Variants in CTNNBIP1 observed in about 807,000 individuals in gnomAD.
The protein encoded by CTNNBIP1 is catenin beta interacting protein 1.
A neutral mutation model predicts 11.8 loss-of-function variants in CTNNBIP1; 7 were observed. The ratio of observed to expected loss-of-function variants is 0.60; its 90% CI spans 0.34 to 1.12. The LOEUF (loss-of-function observed/expected upper bound fraction) is 1.12. Among genes scored for constraint, CTNNBIP1 ranks in the 50% most tolerant of loss-of-function variants. CTNNBIP1 has a pLI of 0.03. For synonymous variants in CTNNBIP1, 58 were observed against 43.9 expected, an observed-to-expected ratio of 1.32 and a Z score of -1.26; for missense variants, 101 against 113.4, an observed-to-expected ratio of 0.89 and a Z score of 0.50.
rs1445688548 is a variant in CTNNBIP1, at chr1:9,871,124, G to A, written c.187+63C>T. 7.1e-6 allele frequency: 9 copies of A among 1,272,032 alleles called. No homozygotes were observed. The South Asian group carries it at 1.0e-4, about 15-fold the overall frequency. The allele number at this position is 1,272,032 out of a possible 1,614,324, so 78.8% of individuals were successfully genotyped here. ...AGGGCTGGAGCTACGCTTTCTAAGG[G>A]AACCACAAGTCGGTGCCCCTGGGAC... On this transcript the variant is annotated intron_variant, in intron 5 of 5. Coordinates refer to ENST00000377263, the MANE Select transcript of CTNNBIP1 (RefSeq NM_020248.3). The surrounding 1 kb of genome is among the most constrained non-coding windows in gnomAD (Gnocchi z 5.2).
At position 9,850,133 on chromosome 1, in the gene CTNNBIP1, GTAATAAATA is replaced by G. The variant is rs1638347567; in HGVS notation, c.*576_*584del. 1 of 152,654 alleles carries G rather than the reference GTAATAAATA, an allele frequency of 6.6e-6. No homozygotes were observed. The highest frequency in any genetic ancestry group is 2.4e-5 in the African/African-American group (1 of 41,442). 9.5% of individuals were successfully genotyped at this position (152,654 alleles called of 1,614,324 possible). ...GTGAAGGCAGCAGCAAGTTCTTTGT[GTAATAAATA>G]TTGCAAAGCGCACTTGGTTTCTTTC... On this transcript the variant is annotated 3_prime_UTR_variant, in exon 6 of 6. Coordinates refer to ENST00000377263, the MANE Select transcript of CTNNBIP1 (RefSeq NM_020248.3).
rs1438630090 is a variant in CTNNBIP1 at position 9,872,601 on chromosome 1, C to CCTG, written c.-24-516_-24-514dup. 6.6e-6 allele frequency among the ~76,000 whole-genome samples: 1 copy of CCTG among 152,198 alleles called. No individual in the cohort carries two copies. The highest frequency in any genetic ancestry group is 1.9e-4 in the East Asian group (1 of 5,188). On this transcript the variant is annotated intron_variant, in intron 3 of 5. Transcript: ENST00000377263. The surrounding 1 kb of genome is among the most constrained non-coding windows in gnomAD (Gnocchi z 4.0). Reference sequence around the variant, plus strand: ...TGAGACAGCTCCCTCGGCAAAAGCCCCTGACAAGTTTAAGAGGCCAGGGTT... The same window carrying CCTG: ...TGAGACAGCTCCCTCGGCAAAAGCCCCTGCTGACAAGTTTAAGAGGCCAGGGTT...
At chr1:9,857,207 G>C (rs372466684) in intron 5 of CTNNBIP1, among the ~76,000 whole-genome samples, 11 of 152,106 alleles carry the variant, frequency 7.2e-5, no homozygotes, top group East Asian at 1.9e-4. Context: ...GTGGCTGGGC[G>C]CGGTGGCTCA....
At position 9,869,723 on chromosome 1, in the gene CTNNBIP1, G is replaced by A. The variant is rs12118484; in HGVS notation, c.187+1464C>T. On this transcript the variant is annotated intron_variant, in intron 5 of 5. Transcript: ENST00000377263. ...TCAACTGGAGGCTTTCTTACCATCC[G>A]AGCTCAAATTCAGGTTAACTCAGTG... Among the ~76,000 whole-genome samples, 470 of 152,198 alleles carry A rather than the reference G, an allele frequency of 3.1e-3. 2 individuals are homozygous for A. The highest frequency in any genetic ancestry group is 5.4e-3 in the Non-Finnish European group (364 of 67,998).
At chr1:9,878,708 G>A (rs1312421256) in intron 2 of CTNNBIP1, among the ~76,000 whole-genome samples, 3 of 152,266 alleles carry the variant, frequency 2.0e-5, no homozygotes, top group East Asian at 1.9e-4. Flanking sequence ...CCGAGTGGGC[G>A]GAGACACAGG....
intron 2 of CTNNBIP1, among the ~76,000 whole-genome samples, chr1:9,880,984 T>C (rs2101503722): frequency 6.6e-6 from 1 of 152,110 alleles, no homozygotes; most frequent in African/African-American, 2.4e-5. Flanking sequence ...ATGGCCTGCA[T>C]TCAGGAGGGC....
chr1:9,867,493 C>T lies in CTNNBIP1; in HGVS notation c.187+3694G>A, dbSNP rs958700058. Among the ~76,000 whole-genome samples, 3 of 152,194 alleles carry T rather than the reference C, an allele frequency of 2.0e-5. No homozygotes were observed. The highest frequency in any genetic ancestry group is 6.5e-5 in the Admixed American group (1 of 15,286). On this transcript the variant is annotated intron_variant, in intron 5 of 5. Coordinates refer to ENST00000377263, the MANE Select transcript of CTNNBIP1 (RefSeq NM_020248.3). This position sits in a 1 kb window ranked among gnomAD's most constrained non-coding sequence, Gnocchi z 4.6. ...TCCAGCCCTGGAGGGGAAGCATGTGCAGGGCTAAAGGTGGCGGCCAGACCC... is the reference window on the plus strand; with the variant it reads ...TCCAGCCCTGGAGGGGAAGCATGTGTAGGGCTAAAGGTGGCGGCCAGACCC...
At chr1:9,884,913 C>G (rs1557759346) in intron 1 of CTNNBIP1, among the ~76,000 whole-genome samples, 2 of 151,978 alleles carry the variant, frequency 1.3e-5, no homozygotes, top group African/African-American at 4.8e-5. Context: ...CAGGCCAGCA[C>G]TGGGGTGGGG....
intron 1 of CTNNBIP1, among the ~76,000 whole-genome samples, chr1:9,899,757 C>CAAAA (rs1296143611): frequency 7.1e-6 from 1 of 141,652 alleles, no homozygotes; most frequent in Non-Finnish European, 1.5e-5. Context: ...GGCTCCGTCT[C>CAAAA]AAAAAAAAAG....
At chr1:9,853,045 C>T (rs1166168041) in intron 5 of CTNNBIP1, among the ~76,000 whole-genome samples, 3 of 152,202 alleles carry the variant, frequency 2.0e-5, no homozygotes, top group African/African-American at 7.2e-5. Context: ...TAACAAGACA[C>T]TTGAAGCAAA....
intron 1 of CTNNBIP1, among the ~76,000 whole-genome samples, chr1:9,909,070 T>C (rs1040729639): frequency 2.0e-5 from 3 of 152,218 alleles, no homozygotes; most frequent in Non-Finnish European, 4.4e-5. Context: ...CAGTTATCAC[T>C]TGGGGACACA....
Position 9,848,951 on chromosome 1 carries a change from C to G in CTNNBIP1, c.*1767G>C, listed in dbSNP as rs1051971194. The G allele has an allele frequency of 1.3e-5, 2 of 152,220 alleles. No homozygotes were observed. The highest frequency in any genetic ancestry group is 4.8e-5 in the African/African-American group (2 of 41,456). The allele number at this position is 152,220 out of a possible 1,614,324, so 9.4% of individuals were successfully genotyped here. ...CTGTGCACTTCATGACACTCAGGAG[C>G]CCCTACGGCCCGAGCCCCAAGCCCC... is the stretch of plus-strand genomic sequence containing the variant. On this transcript the variant is annotated 3_prime_UTR_variant, in exon 6 of 6. Coordinates refer to ENST00000377263, the MANE Select transcript of CTNNBIP1 (RefSeq NM_020248.3). This position sits in a 1 kb window ranked among gnomAD's most constrained non-coding sequence, Gnocchi z 4.3.
In CTNNBIP1 at chr1:9,883,241, C is replaced by T. The variant is rs539803848; in HGVS notation, c.-110+464G>A. On this transcript the variant is annotated intron_variant, in intron 2 of 5. Transcript: ENST00000377263. The surrounding 1 kb of genome is among the most constrained non-coding windows in gnomAD (Gnocchi z 5.6). ...GGGCAGAGTGGTCTCCCAGGAAGAC[C>T]GGAGTCTGGGTGGATTCATGTGAAG... is the stretch of plus-strand genomic sequence containing the variant. Among the ~76,000 whole-genome samples the T allele has an allele frequency of 6.6e-5, 10 of 152,238 alleles. No individual in the cohort carries two copies. In the South Asian group the frequency reaches 1.2e-3, roughly 19 times the overall value.
At chr1:9,905,447 G>C (rs1034798068) in intron 1 of CTNNBIP1, among the ~76,000 whole-genome samples, 2 of 147,682 alleles carry the variant, frequency 1.4e-5, no homozygotes, top group Non-Finnish European at 3.0e-5. Context: ...TTTTGAGACA[G>C]AGTCTTGCTT....
At chr1:9,899,893 G>C (rs1396417329) in intron 1 of CTNNBIP1, among the ~76,000 whole-genome samples, 1 of 151,468 alleles carries the variant, frequency 6.6e-6, no homozygotes, top group Non-Finnish European at 1.5e-5. Flanking sequence ...AGCCAACATG[G>C]CAAAGCCCCA....
At chr1:9,909,468 C>T (rs1054237892) in intron 1 of CTNNBIP1, among the ~76,000 whole-genome samples, 5 of 152,094 alleles carry the variant, frequency 3.3e-5, no homozygotes, top group African/African-American at 1.2e-4. Context: ...GGTGTCCAGA[C>T]CTGAGTGTCT....
rs1639597744 is a variant in CTNNBIP1, at chr1:9,905,433, T to C, written c.-144+4662A>G. ...TCTCTTTCACCACCCTACATTCTTTTTTTTTTTGAGACAGAGTCTTGCTTA... is the reference window on the plus strand; with the variant it reads ...TCTCTTTCACCACCCTACATTCTTTCTTTTTTTGAGACAGAGTCTTGCTTA... On this transcript the variant is annotated intron_variant, in intron 1 of 5. Transcript: ENST00000377263. Among the ~76,000 whole-genome samples the C allele has an allele frequency of 2.0e-5, 3 of 152,128 alleles. 1 individual carries two copies. The highest frequency in any genetic ancestry group is 2.9e-5 in the Non-Finnish European group (2 of 68,014).
At chr1:9,904,384 A>T (rs1639578986) in intron 1 of CTNNBIP1, among the ~76,000 whole-genome samples, 1 of 152,182 alleles carries the variant, frequency 6.6e-6, no homozygotes, top group South Asian at 2.1e-4. Flanking sequence ...CCCAGTCTAA[A>T]GAGTCCCACT....
intron 5 of CTNNBIP1, among the ~76,000 whole-genome samples, chr1:9,856,840 T>C (rs1278063920): frequency 4.0e-5 from 6 of 151,632 alleles, no homozygotes; most frequent in South Asian, 2.1e-4. Context: ...AACTCAGTAA[T>C]AGGCTGGGTG....
Sources: gnomAD v4.1 joint callset for allele counts (sites outside exome capture counted in the v4.1 genomes callset) on GRCh38, gnomAD v4.1.1 for gene constraint, Gnocchi (gnomAD v3.1) non-coding constraint, MANE v1.5 for transcripts, NCBI Gene and HGNC (gene_info 2026-07-23, HGNC 2026-07-21) for gene names.